FAM107B: variants seen among roughly 807,000 people sequenced by gnomAD.
FAM107B encodes the protein protein FAM107B.
A neutral mutation model predicts 31.5 loss-of-function variants in FAM107B; 21 were observed. The observed-to-expected ratio is 0.67, with a 90% CI of 0.47 to 0.96. FAM107B has a LOEUF of 0.96. Ranked by LOEUF, FAM107B falls within the 40% of genes least tolerant of loss-of-function variation. The probability of loss-of-function intolerance (pLI) is 0.00; values close to 1 mark genes in which losing one functional copy is unlikely to be tolerated. For missense variants in FAM107B, 452 were observed against 377.1 expected, an observed-to-expected ratio of 1.20 and a Z score of -1.64; for synonymous variants, 157 against 141.5, an observed-to-expected ratio of 1.11 and a Z score of -0.78.
intron 3 of FAM107B, among the ~76,000 whole-genome samples, chr10:14,527,486 T>G (rs1846412389): frequency 1.3e-5 from 2 of 152,268 alleles, no homozygotes; most frequent in African/African-American, 2.4e-5. Context: ...AGCTTTGAGC[T>G]AAATTTGTAG....
intron 3 of FAM107B, among the ~76,000 whole-genome samples, chr10:14,522,410 CCT>C (rs1017114620): frequency 3.7e-4 from 55 of 150,008 alleles, no homozygotes; most frequent in Admixed American, 7.3e-4. Context: ...AAATCTAGCC[CCT>C]GATTTTTTTT....
At chr10:14,765,081 G>A (rs1833135533) in intron 1 of FAM107B, among the ~76,000 whole-genome samples, 1 of 152,202 alleles carries the variant, frequency 6.6e-6, no homozygotes, top group Non-Finnish European at 1.5e-5. Flanking sequence ...GCTGCTCAAA[G>A]ATATGGGTCG....
chr10:14,537,572 G>A (rs1048481022), intron 2 of FAM107B, among the ~76,000 whole-genome samples: 2 of 152,176 alleles, frequency 1.3e-5, no homozygotes, highest in Admixed American at 1.3e-4. Context: ...GGCTGCGGTG[G>A]CTCATACCTG....
intron 1 of FAM107B, among the ~76,000 whole-genome samples, chr10:14,731,255 C>T (rs889739874): frequency 4.6e-5 from 7 of 152,050 alleles, no homozygotes; most frequent in African/African-American, 1.4e-4. Flanking sequence ...CCAGTGAGGG[C>T]GCGGGATTAA....
At chr10:14,707,131 AAAAC>A (rs1855539073) in intron 1 of FAM107B, among the ~76,000 whole-genome samples, 1 of 152,132 alleles carries the variant, frequency 6.6e-6, no homozygotes, top group South Asian at 2.1e-4. Context: ...GTCTCAGAAA[AAAAC>A]AAAACAACAA....
chr10:14,580,757 T>C (rs1379339758), intron 2 of FAM107B, among the ~76,000 whole-genome samples: 2 of 152,160 alleles, frequency 1.3e-5, no homozygotes, highest in Non-Finnish European at 2.9e-5. Context: ...TTCACTGCTC[T>C]TTAAATCATT....
chr10:14,736,643 A>G (rs534684724), intron 1 of FAM107B, among the ~76,000 whole-genome samples: 2 of 152,346 alleles, frequency 1.3e-5, no homozygotes, highest in East Asian at 1.9e-4. Flanking sequence ...TCCAAGATCC[A>G]TGAAAAACCT....
At chr10:14,543,605 A>G (rs1053129439) in intron 2 of FAM107B, among the ~76,000 whole-genome samples, 18 of 151,092 alleles carry the variant, frequency 1.2e-4, no homozygotes, top group African/African-American at 3.2e-4. Flanking sequence ...TGCAGCCACA[A>G]TTCTCTAAAG....
At chr10:14,715,227 A>G (rs1416015696) in intron 1 of FAM107B, among the ~76,000 whole-genome samples, 1 of 152,210 alleles carries the variant, frequency 6.6e-6, no homozygotes, top group Non-Finnish European at 1.5e-5. Flanking sequence ...GAAGGAGAAG[A>G]TTCCTCAAAC....
intron 2 of FAM107B, among the ~76,000 whole-genome samples, chr10:14,581,032 G>A (rs1243442223): frequency 2.6e-5 from 4 of 152,218 alleles, no homozygotes; most frequent in Non-Finnish European, 5.9e-5. Context: ...AGTCTCTGCT[G>A]CTGGAAACAG....
intron 2 of FAM107B, among the ~76,000 whole-genome samples, chr10:14,545,439 C>A (rs1377470729): frequency 6.6e-6 from 1 of 152,142 alleles, no homozygotes; most frequent in Non-Finnish European, 1.5e-5. Flanking sequence ...TGATGAATAC[C>A]TGGTTGACAT....
intron 2 of FAM107B, among the ~76,000 whole-genome samples, chr10:14,604,819 CTT>C (rs931145125): frequency 1.3e-5 from 2 of 152,054 alleles, no homozygotes; most frequent in Admixed American, 1.3e-4. Flanking sequence ...CCCTTAATCT[CTT>C]TCTCTCTCAT....
chr10:14,626,970 G>A lies in FAM107B; in HGVS notation c.469+40664C>T, dbSNP rs759300482. ...GATTTAAATCCTCATTTATTATCTGGATTTGCTTCTGCACCAAATGGCTAT... is the reference window on the plus strand; with the variant it reads ...GATTTAAATCCTCATTTATTATCTGAATTTGCTTCTGCACCAAATGGCTAT... On this transcript the variant is annotated intron_variant, in intron 2 of 4. Transcript: ENST00000181796. Among the ~76,000 whole-genome samples the A allele has an allele frequency of 4.6e-4, 70 of 152,128 alleles. 1 individual carries two copies. Among genetic ancestry groups the A allele is most frequent in the South Asian group, 2.1e-4 (1 of 4,816 alleles).
rs1554759099 is a variant in FAM107B, at chr10:14,772,362, A to AT, written c.411+1890_411+1891insA. ...GAGCAAGACTCCATCTTAAAAAAAA[A>AT]ATATATATATATATATATGCACCTC... On this transcript the variant is annotated intron_variant, in intron 1 of 4. Transcript: ENST00000181796. Among the ~76,000 whole-genome samples, 1,027 of 145,616 alleles carry AT rather than the reference A, an allele frequency of 7.1e-3. 10 individuals carry two copies. Among genetic ancestry groups the AT allele is most frequent in the African/African-American group, 0.015 (567 of 38,360 alleles).
Position 14,552,491 on chromosome 10 carries a change from A to G in FAM107B, c.470-21976T>C, listed in dbSNP as rs147237702. ...ACAATGAAAAAAAAAAATGAAGTCAACGTTTCCAGGAGAAATACATAGCCT... is the reference window on the plus strand; with the variant it reads ...ACAATGAAAAAAAAAAATGAAGTCAGCGTTTCCAGGAGAAATACATAGCCT... On this transcript the variant is annotated intron_variant, in intron 2 of 4. Transcript: ENST00000181796. Among the ~76,000 whole-genome samples, 430 of 152,260 alleles carry G rather than the reference A, an allele frequency of 2.8e-3. 1 individual carries two copies. Among genetic ancestry groups the G allele is most frequent in the African/African-American group, 9.7e-3 (403 of 41,546 alleles).
intron 2 of FAM107B, among the ~76,000 whole-genome samples, chr10:14,571,541 G>GA (rs1377675544): frequency 6.6e-6 from 1 of 150,510 alleles, no homozygotes; most frequent in South Asian, 2.1e-4. Flanking sequence ...GAAATTTTAG[G>GA]AAAAAAAAAT....
chr10:14,716,341 A>G (rs1855778842), intron 1 of FAM107B, among the ~76,000 whole-genome samples: 1 of 152,188 alleles, frequency 6.6e-6, no homozygotes, highest in African/African-American at 2.4e-5. Context: ...TCCATTTCTA[A>G]GATGACTCCC....
At chr10:14,578,530 C>T (rs747262499) in intron 2 of FAM107B, among the ~76,000 whole-genome samples, 42 of 152,016 alleles carry the variant, frequency 2.8e-4, no homozygotes, top group Admixed American at 5.2e-4. Flanking sequence ...TCAGACTTGC[C>T]GAGAGAGGGG....
intron 2 of FAM107B, among the ~76,000 whole-genome samples, chr10:14,531,539 G>GAAAA (rs59782461): frequency 8.3e-6 from 1 of 120,700 alleles, no homozygotes. Context: ...TAAAAGAAAA[G>GAAAA]AAAAAAAAAA....
Sources: gnomAD v4.1 joint callset for allele counts (sites outside exome capture counted in the v4.1 genomes callset) on GRCh38, gnomAD v4.1.1 for gene constraint, MANE v1.5 for transcripts, NCBI Gene and HGNC (gene_info 2026-07-23, HGNC 2026-07-21) for gene names.